Variants in YAP1 observed in about 807,000 individuals in gnomAD.
YAP1 encodes Yes1 associated transcriptional regulator, also known as transcriptional coactivator YAP1.
Under a neutral mutation model 56.9 loss-of-function variants are expected in YAP1, and 5 were observed. The observed-to-expected ratio is 0.09, with a 90% CI of 0.05 to 0.18. YAP1 has a LOEUF of 0.18. Among genes scored for constraint, YAP1 ranks in the 10% least tolerant of loss-of-function variants. YAP1 has a pLI of 1.00. For synonymous variants in YAP1, 265 were observed against 248.1 expected, an observed-to-expected ratio of 1.07 and a Z score of -0.64; for missense variants, 539 against 651.8, an observed-to-expected ratio of 0.83 and a Z score of 1.88.
At chr11:102,202,280 C>T (rs1320447545) in intron 4 of YAP1, among the ~76,000 whole-genome samples, 1 of 151,622 alleles carries the variant, frequency 6.6e-6, no homozygotes, top group Admixed American at 6.6e-5. Context: ...TCTCCTGCCT[C>T]AGCCTCCTGA....
At chr11:102,129,028 C>G (rs1190746372) in intron 2 of YAP1, among the ~76,000 whole-genome samples, 1 of 152,090 alleles carries the variant, frequency 6.6e-6, no homozygotes, top group Admixed American at 6.5e-5. Flanking sequence ...CTTTCTTTCT[C>G]TCATCAGTAT....
chr11:102,195,218 CT>C (rs2135548764), intron 4 of YAP1, among the ~76,000 whole-genome samples: 1 of 152,304 alleles, frequency 6.6e-6, no homozygotes, highest in South Asian at 2.1e-4. Context: ...TTTAGCAACC[CT>C]TGTGTCCTGC....
chr11:102,114,622 G>A (rs887025721), intron 2 of YAP1, among the ~76,000 whole-genome samples: 1 of 152,094 alleles, frequency 6.6e-6, no homozygotes, highest in Admixed American at 6.6e-5. Context: ...TTGGTTCTGA[G>A]CCTCTTTATA....
intron 3 of YAP1, 102 bp downstream of exon 3, chr11:102,162,673 G>T (rs2135402402): frequency 1.8e-6 from 2 of 1,122,646 alleles, no homozygotes; most frequent in East Asian, 4.8e-5. Context: ...ACTGGGACAT[G>T]GTGATGTTTA....
At chr11:102,172,650 G>A (rs889311598) in intron 3 of YAP1, among the ~76,000 whole-genome samples, 22 of 152,018 alleles carry the variant, frequency 1.4e-4, no homozygotes, top group African/African-American at 4.1e-4. Context: ...TACAAACTAT[G>A]TGCCAGGCAT....
At chr11:102,197,038 A>T (rs1948609870) in intron 4 of YAP1, among the ~76,000 whole-genome samples, 1 of 152,152 alleles carries the variant, frequency 6.6e-6, no homozygotes, top group Non-Finnish European at 1.5e-5. Flanking sequence ...TAGAGCCAGG[A>T]GTGAGTGTTT....
intron 3 of YAP1, among the ~76,000 whole-genome samples, chr11:102,164,786 G>C (rs1440231435): frequency 6.6e-6 from 1 of 151,956 alleles, no homozygotes; most frequent in South Asian, 2.1e-4. Context: ...GCAATGGCAC[G>C]ATCTCAGCTC....
intron 2 of YAP1, 143 bp downstream of exon 2, chr11:102,114,537 A>T: frequency 9.4e-7 from 1 of 1,062,376 alleles, no homozygotes; most frequent in African/African-American, 1.6e-5. Context: ...TCTATCTTCC[A>T]TATATATGTT....
intron 2 of YAP1, among the ~76,000 whole-genome samples, chr11:102,128,824 T>G (rs1340346104): frequency 1.3e-5 from 2 of 152,230 alleles, no homozygotes; most frequent in African/African-American, 4.8e-5. Flanking sequence ...TCGTTTGCCA[T>G]TTCCAAGTTC....
chr11:102,112,343 A>C lies in YAP1; in HGVS notation c.321+1174A>C, dbSNP rs979004350. 2.5e-5 allele frequency: 23 copies of C among 924,800 alleles called. No homozygotes were observed. In the African/African-American group the frequency reaches 3.9e-4, roughly 16 times the overall value. The allele number at this position is 924,800 out of a possible 1,614,324, so 57.3% of individuals were successfully genotyped here. On this transcript the variant is annotated intron_variant, in intron 1 of 8. Coordinates refer to ENST00000282441, the MANE Select transcript of YAP1 (RefSeq NM_001130145.3). ...CAGCATAGAAGTGAAACTGTTTATA[A>C]TGAGTGTTAACATTCCAATAGGTCC...
chr11:102,223,472 A>T, intron 6 of YAP1, 150 bp from the exon 7 acceptor site: 1 of 839,296 alleles, frequency 1.2e-6, no homozygotes, highest in Non-Finnish European at 1.8e-6. Context: ...GGATAGAATT[A>T]GGTCATTCTG....
At chr11:102,196,971 A>C (rs1313519909) in intron 4 of YAP1, among the ~76,000 whole-genome samples, 1 of 152,178 alleles carries the variant, frequency 6.6e-6, no homozygotes, top group African/African-American at 2.4e-5. Flanking sequence ...TTATTATGCC[A>C]CTTTATAGCG....
At position 102,116,316 on chromosome 11, in the gene YAP1, G is replaced by A. The variant is rs146054741; in HGVS notation, c.572+1922G>A. On this transcript the variant is annotated intron_variant, in intron 2 of 8. Coordinates refer to ENST00000282441, the MANE Select transcript of YAP1 (RefSeq NM_001130145.3). ...TGATATAAAGTATATGGGAGAATAT[G>A]TATAGGTTATATGCAAATATTATGC... 7.2e-5 allele frequency among the ~76,000 whole-genome samples: 11 copies of A among 152,302 alleles called. No individual in the cohort carries two copies. The East Asian group carries it at 1.9e-3, about 27-fold the overall frequency.
Position 102,229,942 on chromosome 11 carries a change from G to A in YAP1, c.*2G>A. ...GAAAGCTTTCTTACATGGTTATAGA[G>A]CCCTCAGGCAGACTGAATTCTAAAT... On this transcript the variant is annotated 3_prime_UTR_variant, in exon 9 of 9. Transcript: ENST00000282441. 6.2e-7 allele frequency: 1 copy of A among 1,611,770 alleles called. No homozygotes were observed. The highest frequency in any genetic ancestry group is 8.5e-7 in the Non-Finnish European group (1 of 1,178,022).
chr11:102,197,218 C>G (rs188915264), intron 4 of YAP1, among the ~76,000 whole-genome samples: 5 of 152,178 alleles, frequency 3.3e-5, no homozygotes, highest in East Asian at 3.9e-4. Flanking sequence ...GTTAATATAG[C>G]TATGCTAATA....
At chr11:102,173,220 GCC>G (rs1947022229) in intron 3 of YAP1, among the ~76,000 whole-genome samples, 1 of 152,116 alleles carries the variant, frequency 6.6e-6, no homozygotes, top group Non-Finnish European at 1.5e-5. Flanking sequence ...CAATTACTAA[GCC>G]CTGGAACCTC....
chr11:102,157,364 G>T (rs1946016200), intron 2 of YAP1, among the ~76,000 whole-genome samples: 1 of 152,168 alleles, frequency 6.6e-6, no homozygotes, highest in Admixed American at 6.5e-5. Flanking sequence ...CCTAGAGTCA[G>T]TTAAGCGTGT....
chr11:102,219,255 A>G (rs1949805934), intron 6 of YAP1, among the ~76,000 whole-genome samples: 1 of 152,200 alleles, frequency 6.6e-6, no homozygotes, highest in African/African-American at 2.4e-5. Context: ...GAGCAAAATA[A>G]ATTCTTCAAG....
At position 102,232,411 on chromosome 11, in the gene YAP1, C is replaced by T. The variant is rs1416112386; in HGVS notation, c.*2471C>T. The T allele has an allele frequency of 6.6e-6, 1 of 152,140 alleles. No individual in the cohort carries two copies. The highest frequency in any genetic ancestry group is 1.5e-5 in the Non-Finnish European group (1 of 68,044). 9.4% of individuals were successfully genotyped at this position (152,140 alleles called of 1,614,324 possible). Reference sequence around the variant, plus strand: ...TTCTAGAGTTTCAGTCACCTAAGTACACCCACAAAACAATATGAATATGGA... The same window carrying T: ...TTCTAGAGTTTCAGTCACCTAAGTATACCCACAAAACAATATGAATATGGA... On this transcript the variant is annotated 3_prime_UTR_variant, in exon 9 of 9. Coordinates refer to ENST00000282441, the MANE Select transcript of YAP1 (RefSeq NM_001130145.3).
Sources: allele counts gnomAD v4.1 joint callset (sites outside exome capture counted in the v4.1 genomes callset), GRCh38; gene constraint gnomAD v4.1.1; transcripts MANE v1.5; gene names NCBI Gene and HGNC (gene_info 2026-07-23, HGNC 2026-07-21).